Variants in MGAM observed in about 807,000 individuals in gnomAD.
The protein encoded by MGAM is alpha-1,4-glucosidase.
Under a neutral mutation model 358.8 loss-of-function variants are expected in MGAM, and 253 were observed. That is an observed-to-expected ratio of 0.71 (90% confidence interval 0.64 to 0.78). The LOEUF (loss-of-function observed/expected upper bound fraction) is 0.78. Ranked by LOEUF, MGAM falls within the 30% of genes least tolerant of loss-of-function variation. The pLI, the probability that MGAM is intolerant of heterozygous loss-of-function variation, is 0.00. For synonymous variants in MGAM, 1,105 were observed against 1,227.1 expected, an observed-to-expected ratio of 0.90 and a Z score of 2.08; for missense variants, 3,080 against 3,432.6, an observed-to-expected ratio of 0.90 and a Z score of 2.57.
intron 12 of MGAM, 60 bp downstream of exon 12, chr7:142,030,817 T>A (rs1807417636): frequency 2.1e-6 from 2 of 969,040 alleles, no homozygotes; most frequent in African/African-American, 2.2e-5. Context: ...TTTGAATGTG[T>A]CTGTGTGTGT....
intron 4 of MGAM, among the ~76,000 whole-genome samples, 179 bp from the exon 5 acceptor site, chr7:142,020,795 C>T (rs566813598): frequency 4.0e-5 from 6 of 151,772 alleles, no homozygotes; most frequent in South Asian, 4.2e-4. Flanking sequence ...GGTTTCACCA[C>T]GTTGGTCAGG....
intron 4 of MGAM, 138 bp from the exon 5 acceptor site, chr7:142,020,836 C>T: frequency 1.5e-6 from 1 of 647,382 alleles, no homozygotes; most frequent in South Asian, 1.7e-5. Context: ...TTGTGATCCA[C>T]CTGCCTTGGC....
intron 41 of MGAM, 102 bp downstream of exon 41, chr7:142,066,823 C>A: frequency 1.5e-6 from 2 of 1,333,036 alleles, no homozygotes; most frequent in Non-Finnish European, 2.1e-6. Flanking sequence ...GACATGATGG[C>A]CTTTTGACAT....
chr7:142,019,723 C>G (rs1806261228), intron 4 of MGAM, among the ~76,000 whole-genome samples: 1 of 152,094 alleles, frequency 6.6e-6, no homozygotes, highest in Non-Finnish European at 1.5e-5. Context: ...AGTTACTAGT[C>G]AATATAAGTG....
At chr7:142,070,252 A>T (rs1014754842) in intron 43 of MGAM, among the ~76,000 whole-genome samples, 1 of 145,362 alleles carries the variant, frequency 6.9e-6, no homozygotes, top group African/African-American at 2.4e-5. Context: ...ATGAAGATGA[A>T]TCTCATAATT....
chr7:142,005,562 C>T lies in MGAM; in HGVS notation c.32C>T (p.Thr11Ile). ...AGAAAGAAGCTGAAAAAATTTACTA[C>T]TTTGGAGATTGTGCTCAGTGTTCTT... The part of the protein sequence containing the change: MARKKLKKFT[T>I]LEIVLSVLLL... The change falls in exon 2 of 71, where the codon ACT (threonine) becomes ATT (isoleucine). Residue 11 changes from threonine to isoleucine, a missense_variant. Transcript: ENST00000475668. 6.4e-7 allele frequency: 1 copy of T among 1,573,430 alleles called. No individual in the cohort carries two copies. The highest frequency in any genetic ancestry group is 1.2e-5 in the South Asian group (1 of 84,166).
At position 142,044,581 on chromosome 7, in the gene MGAM, T is replaced by G. The variant is rs576176257; in HGVS notation, c.2499-3204T>G. Among the ~76,000 whole-genome samples the G allele has an allele frequency of 3.8e-5, 5 of 132,880 alleles. No homozygotes were observed. In the South Asian group the frequency reaches 9.3e-4, roughly 25 times the overall value. 87.2% of individuals were successfully genotyped at this position (132,880 alleles called of 152,430 possible). The stretch of plus-strand genomic sequence containing the variant: ...ATATACACGTGTAATATATGATATA[T>G]AATGTATATTATATACACGTGTAAT... On this transcript the variant is annotated intron_variant, in intron 21 of 70. Coordinates refer to ENST00000475668, the MANE Select transcript of MGAM (RefSeq NM_001365693.1).
chr7:142,038,321 T>C (rs1808177715), intron 18 of MGAM, among the ~76,000 whole-genome samples: 1 of 152,174 alleles, frequency 6.6e-6, no homozygotes, highest in Non-Finnish European at 1.5e-5. Flanking sequence ...AAACATCTGT[T>C]TATCCTGAGG....
intron 10 of MGAM, 71 bp downstream of exon 10, chr7:142,027,806 T>C: frequency 1.4e-6 from 2 of 1,405,412 alleles, no homozygotes; most frequent in South Asian, 1.6e-5. Context: ...ACTGTTTATA[T>C]TTTCTCTCCC....
Position 142,086,140 on chromosome 7 carries a change from G to T in MGAM, c.6637-78G>T, listed in dbSNP as rs562618761. 20 of 1,431,024 alleles carry T rather than the reference G, an allele frequency of 1.4e-5. 5 individuals are homozygous for T. The South Asian group carries it at 2.0e-4, about 15-fold the overall frequency. The allele number at this position is 1,431,024 out of a possible 1,614,324, so 88.6% of individuals were successfully genotyped here. A position where few individuals can be genotyped will look rare whatever the true frequency, so the allele number is the denominator to read the frequency against. ...AGGTAGAAGCCAACAAGTTCGCCCT[G>T]GAGGAGTTCTCCTTCATTCTGTTTC... On this transcript the variant is annotated intron_variant, in intron 55 of 70. Coordinates refer to ENST00000475668, the MANE Select transcript of MGAM (RefSeq NM_001365693.1).
In MGAM at chr7:142,082,528, TG is replaced by T. The variant is rs774156336; in HGVS notation, c.6227del (p.Gly2076AlafsTer9). 4 of 1,533,700 alleles carry T rather than the reference TG, an allele frequency of 2.6e-6. No homozygotes were observed. Among genetic ancestry groups the T allele is most frequent in the Non-Finnish European group, 3.6e-6 (4 of 1,121,374 alleles). On this transcript the variant is annotated frameshift_variant, in exon 52 of 71. Coordinates refer to ENST00000475668, the MANE Select transcript of MGAM (RefSeq NM_001365693.1). LOFTEE classifies it high-confidence loss of function. ...CCTACTACATGGGGCTAGAGGAGGA[TG>T]GCAGTGCCCATGGAGTGCTCCTGCT... ...HPYYMGLEED[G>X]SAHGVLLLNS...
rs1408099147 is a variant in MGAM, at chr7:142,021,809, G to T, written c.710+72G>T. 4 of 1,498,788 alleles carry T rather than the reference G, an allele frequency of 2.7e-6. No individual in the cohort carries two copies. In the African/African-American group the frequency reaches 5.5e-5, roughly 21 times the overall value. 92.8% of individuals were successfully genotyped at this position (1,498,788 alleles called of 1,614,324 possible). ...GGAGGTCTGTAAGCATGAAGAAGGG[G>T]GTGTTTCAACAATATTCCTGAAGGT... On this transcript the variant is annotated intron_variant, in intron 6 of 70. Transcript: ENST00000475668.
chr7:141,989,636 G>C (rs1428574406), intron 2 of MGAM, among the ~76,000 whole-genome samples: 2 of 151,496 alleles, frequency 1.3e-5, no homozygotes, highest in African/African-American at 4.9e-5. Context: ...GCTCCCTGCA[G>C]CCTCAAACTC....
chr7:142,056,723 T>C, intron 29 of MGAM, 107 bp from the exon 30 acceptor site: 1 of 1,043,264 alleles, frequency 9.6e-7, no homozygotes. Context: ...CTGCTGTTAC[T>C]ACTCTATGAT....
At chr7:142,102,189 A>G (rs1816501151) in intron 68 of MGAM, among the ~76,000 whole-genome samples, 1 of 152,144 alleles carries the variant, frequency 6.6e-6, no homozygotes, top group Non-Finnish European at 1.5e-5. Flanking sequence ...AGATAAACCC[A>G]CCAAGACACC....
At chr7:141,997,926 C>T (rs2128974692) in intron 1 of MGAM, among the ~76,000 whole-genome samples, 1 of 152,268 alleles carries the variant, frequency 6.6e-6, no homozygotes, top group Non-Finnish European at 1.5e-5. Context: ...TGTTCTTAGT[C>T]TATCTATCCA....
At position 142,092,658 on chromosome 7, in the gene MGAM, A is replaced by G. The variant is rs1815508040; in HGVS notation, c.7033+50A>G. On this transcript the variant is annotated intron_variant, in intron 59 of 70. Transcript: ENST00000475668. ...TGGCAGAGCCATGATTGAAAGAAGG[A>G]TTACACTGGAGGAGCCCGAGGCCAG... The G allele has an allele frequency of 1.4e-6, 2 of 1,448,238 alleles. 1 individual carries two copies. The highest frequency in any genetic ancestry group is 1.9e-6 in the Non-Finnish European group (2 of 1,055,904). 89.7% of individuals were successfully genotyped at this position (1,448,238 alleles called of 1,614,324 possible).
chr7:142,092,136 A>G lies in MGAM; in HGVS notation c.6945+89A>G. 4 of 1,458,090 alleles carry G rather than the reference A, an allele frequency of 2.7e-6. 1 individual carries two copies. The South Asian group carries it at 3.9e-5, about 14-fold the overall frequency. The allele number at this position is 1,458,090 out of a possible 1,614,324, so 90.3% of individuals were successfully genotyped here. A position where few individuals can be genotyped will look rare whatever the true frequency, so the allele number is the denominator to read the frequency against. On this transcript the variant is annotated intron_variant, in intron 58 of 70. Transcript: ENST00000475668. ...GTACCACTGACCTTCAGTCAAGAGG[A>G]TAGTCATTGTCCAAGGAAGACTTTG...
In MGAM at chr7:142,092,002, T is replaced by G; in HGVS notation, c.6900T>G (p.Asn2300Lys). The change falls in exon 58 of 71, where the codon AAT (asparagine) becomes AAG (lysine). Residue 2300 changes from asparagine to lysine, a missense_variant. Coordinates refer to ENST00000475668, the MANE Select transcript of MGAM (RefSeq NM_001365693.1). ...GGGAAATAGAAGAACTATACAACAA[T>G]CCACAGAATCCAGAGAGGAGCTTGA... The part of the protein sequence containing the change: ...WKREIEELYN[N>K]PQNPERSLKF... 1 of 1,534,348 alleles carries G rather than the reference T, an allele frequency of 6.5e-7. No homozygotes were observed. Among genetic ancestry groups the G allele is most frequent in the Non-Finnish European group, 8.9e-7 (1 of 1,120,276 alleles).
Sources: allele counts gnomAD v4.1 joint callset (sites outside exome capture counted in the v4.1 genomes callset), GRCh38; gene constraint gnomAD v4.1.1; transcripts MANE v1.5; gene names NCBI Gene and HGNC (gene_info 2026-07-23, HGNC 2026-07-21).